The following LTV1 variants were observed in gnomAD, a reference collection of about 807,000 sequenced individuals.
The protein encoded by LTV1 is LTV1 ribosome biogenesis factor.
In LTV1, 39 loss-of-function variants were observed where a neutral mutation model predicts 59.9. The ratio of observed to expected loss-of-function variants is 0.65; its 90% confidence interval spans 0.50 to 0.85. LTV1 has a LOEUF of 0.85. Among genes scored for constraint, LTV1 ranks in the 40% least tolerant of loss-of-function variants. The pLI is 0.00. For synonymous variants in LTV1, 171 were observed against 189.5 expected (o/e 0.90, Z 0.80); for missense variants, 493 against 549.1 (o/e 0.90, Z 1.02).
Position 143,846,216 on chromosome 6 carries a change from G to C in LTV1, c.301G>C (p.Val101Leu). ...NRREEKEETLVIPSTGIKLPS... is the reference protein window; with the variant it reads ...NRREEKEETLLIPSTGIKLPS... ...GAGAGAGGAGAAAGAAGAAACGCTA[G>C]TAATTCCAGTAAGGCTTTTCAGCAA... Residue 101 changes from valine (V) to leucine (L), a missense_variant, in exon 3 of 11, where the codon GTA becomes CTA. Physicochemically the swap from Val to Leu is conservative, Grantham distance 32 (BLOSUM62 1). Transcript: ENST00000367576. 1 of 1,609,246 alleles carries C rather than the reference G, an allele frequency of 6.2e-7. No individual in the cohort carries two copies. Among genetic ancestry groups the C allele is most frequent in the Non-Finnish European group, 8.5e-7 (1 of 1,178,344 alleles).
rs763234617 is a variant in LTV1 at position 143,863,428 on chromosome 6, G to A, written c.1329G>A (p.Val443=). ...AIKEERKERR[V]EKKANKLAFK... ...TGTACTTATAACAGGAACGAAGAGTGGAGAAGAAAGCTAACAAATTAGCAT... is the reference window on the plus strand; with the variant it reads ...TGTACTTATAACAGGAACGAAGAGTAGAGAAGAAAGCTAACAAATTAGCAT... The change falls in exon 11 of 11, where the codon GTG becomes GTA. Residue 443 remains valine (V), a synonymous_variant. Coordinates refer to ENST00000367576, the MANE Select transcript of LTV1 (RefSeq NM_032860.5). This position sits in a 1 kb window ranked among gnomAD's most constrained non-coding sequence, Gnocchi z 4.5. The A allele has an allele frequency of 6.2e-7, 1 of 1,612,974 alleles. No homozygotes were observed. Among genetic ancestry groups the A allele is most frequent in the Non-Finnish European group, 8.5e-7 (1 of 1,179,244 alleles).
At chr6:143,853,819 T>G (rs1777029378) in intron 4 of LTV1, among the ~76,000 whole-genome samples, 1 of 152,232 alleles carries the variant, frequency 6.6e-6, no homozygotes, top group African/African-American at 2.4e-5. Context: ...TTGTGGTGAA[T>G]AAGCTTTTTG....
At chr6:143,844,235 T>A (rs1421468187) in intron 1 of LTV1, among the ~76,000 whole-genome samples, 1 of 152,238 alleles carries the variant, frequency 6.6e-6, no homozygotes, top group East Asian at 1.9e-4. Flanking sequence ...GGACTTTATC[T>A]GACTTTCCCA....
chr6:143,858,600 CATAAATG>C (rs1209224705), intron 6 of LTV1: 1 of 153,288 alleles, frequency 6.5e-6, no homozygotes, highest in Non-Finnish European at 1.5e-5. Context: ...TAAAGTGTTC[CATAAATG>C]ATAAATGAAT....
intron 1 of LTV1, among the ~76,000 whole-genome samples, chr6:143,844,216 T>C (rs546285395): frequency 7.2e-5 from 11 of 152,362 alleles, no homozygotes; most frequent in Non-Finnish European, 1.3e-4. Flanking sequence ...ATTTTCTTGC[T>C]AAGAACAGGG....
intron 2 of LTV1, 52 bp downstream of exon 2, chr6:143,844,669 TTTC>T (rs1260906359): frequency 6.5e-7 from 1 of 1,542,378 alleles, no homozygotes; most frequent in Non-Finnish European, 8.7e-7. Flanking sequence ...TAGTTTTTTT[TTTC>T]TTTTTTTTTT....
chr6:143,850,324 G>A, intron 4 of LTV1, 106 bp downstream of exon 4: 1 of 761,716 alleles, frequency 1.3e-6, no homozygotes, highest in Non-Finnish European at 2.2e-6. Context: ...AAACAATTGA[G>A]ATATGTCTGG....
At chr6:143,856,496 C>A (rs1160197289) in intron 4 of LTV1, among the ~76,000 whole-genome samples, 1 of 152,270 alleles carries the variant, frequency 6.6e-6, no homozygotes, top group East Asian at 1.9e-4. Flanking sequence ...GAGTTGTGAT[C>A]CTTTGAAGAG....
chr6:143,847,158 A>G (rs1306036475), intron 3 of LTV1, among the ~76,000 whole-genome samples: 3 of 152,190 alleles, frequency 2.0e-5, no homozygotes, highest in Non-Finnish European at 4.4e-5. Flanking sequence ...ATCCCACCAC[A>G]TCTCTGTCAT....
rs1776856369 is a variant in LTV1 at position 143,844,545 on chromosome 6, C to T, written c.63C>T (p.Val21=). 1 of 1,614,028 alleles carries T rather than the reference C, an allele frequency of 6.2e-7. No homozygotes were observed. The highest frequency in any genetic ancestry group is 1.1e-5 in the South Asian group (1 of 91,068). ...AGAAAGCTGTGTCTTTTCACTTGGT[C>T]CACCGGAGCCAACGAGATCCTTTAG... ...EKKKAVSFHL[V]HRSQRDPLAA... The change falls in exon 2 of 11, where the codon GTC becomes GTT. Residue 21 remains valine, a synonymous_variant. Transcript: ENST00000367576.
In LTV1 at chr6:143,857,398, CT is replaced by C. The variant is rs1413364572; in HGVS notation, c.495del (p.Gln166ArgfsTer61). On this transcript the variant is annotated frameshift_variant, in exon 5 of 11. Coordinates refer to ENST00000367576, the MANE Select transcript of LTV1 (RefSeq NM_032860.5). LOFTEE classifies it high-confidence loss of function. The surrounding 1 kb of genome is among the most constrained non-coding windows in gnomAD (Gnocchi z 5.2). ...TAATCTGCTTGAGGATGACTTTATT[CT>C]TCAGGCCAATAAGGCAACAGGAGAG... ...PDNLLEDDFILQANKATGEEE... is the reference protein window; with the variant it reads ...PDNLLEDDFIXQANKATGEEE... 2.5e-6 allele frequency: 4 copies of C among 1,614,002 alleles called. No homozygotes were observed. Among genetic ancestry groups the C allele is most frequent in the Non-Finnish European group, 3.4e-6 (4 of 1,179,970 alleles).
chr6:143,858,014 TCCC>T lies in LTV1; in HGVS notation c.795+9_795+11del, dbSNP rs1237837484. The T allele has an allele frequency of 1.2e-6, 2 of 1,613,582 alleles. No individual in the cohort carries two copies. Among genetic ancestry groups the T allele is most frequent in the Non-Finnish European group, 1.7e-6 (2 of 1,179,890 alleles). On this transcript the variant is annotated splice_region_variant and intron_variant, in intron 6 of 10. Coordinates refer to ENST00000367576, the MANE Select transcript of LTV1 (RefSeq NM_032860.5). ...TGATGAGAGGTTTGAGAAGGTAAGGTCCCCACATAAGGGATGCTTTAGTACTAT... is the reference window on the plus strand; with the variant it reads ...TGATGAGAGGTTTGAGAAGGTAAGGTCACATAAGGGATGCTTTAGTACTAT...
At position 143,862,884 on chromosome 6, in the gene LTV1, G is replaced by A. The variant is rs761498372; in HGVS notation, c.1104G>A (p.Lys368=). ...TATATAACCATCCACAGCTTATCAA[G>A]TATCAACCAAAGGTAAGTCCTAGTG... ...SNLYNHPQLI[K]YQPKPKQIRI... Residue 368 remains lysine, a synonymous_variant, in exon 9 of 11, where the codon AAG becomes AAA. Transcript: ENST00000367576. The surrounding 1 kb of genome is among the most constrained non-coding windows in gnomAD (Gnocchi z 4.2). 1.9e-6 allele frequency: 3 copies of A among 1,596,344 alleles called. No homozygotes were observed.
intron 6 of LTV1, among the ~76,000 whole-genome samples, chr6:143,860,011 G>A (rs547763958): frequency 6.7e-4 from 102 of 152,202 alleles, no homozygotes; most frequent in Admixed American, 9.8e-4. Context: ...GCTGAGGTGG[G>A]AAGATTGCTT....
At position 143,855,898 on chromosome 6, in the gene LTV1, C is replaced by T. The variant is rs574855743; in HGVS notation, c.398-1405C>T. Among the ~76,000 whole-genome samples the T allele has an allele frequency of 6.6e-5, 10 of 152,152 alleles. No homozygotes were observed. In the South Asian group the frequency reaches 1.2e-3, roughly 19 times the overall value. On this transcript the variant is annotated intron_variant, in intron 4 of 10. Coordinates refer to ENST00000367576, the MANE Select transcript of LTV1 (RefSeq NM_032860.5). This position sits in a 1 kb window ranked among gnomAD's most constrained non-coding sequence, Gnocchi z 4.6. ...ACATTTTTTTCTTCATTTCAACCTT[C>T]GTGAATCTGACGATTATGTGTCTTG...
Position 143,862,128 on chromosome 6 carries a change from A to T in LTV1, c.948A>T (p.Glu316Asp). The stretch of plus-strand genomic sequence containing the variant: ...GTTGTGTAAAATTGAATACCCTTGA[A>T]CCCTTGGAGGATCAAGACCTGCCAA... The part of the protein sequence containing the change: ...AENCVKLNTL[E>D]PLEDQDLPMN... Residue 316 changes from glutamate to aspartate, a missense_variant, in exon 8 of 11, where the codon GAA becomes GAT. Transcript: ENST00000367576. The surrounding 1 kb of genome is among the most constrained non-coding windows in gnomAD (Gnocchi z 4.2). The T allele has an allele frequency of 6.2e-7, 1 of 1,613,894 alleles. No homozygotes were observed. The highest frequency in any genetic ancestry group is 8.5e-7 in the Non-Finnish European group (1 of 1,179,880).
Position 143,862,173 on chromosome 6 carries a change from T to C in LTV1, c.993T>C (p.Ser331=), listed in dbSNP as rs551294529. 107 of 1,613,892 alleles carry C rather than the reference T, an allele frequency of 6.6e-5. No individual in the cohort carries two copies. The South Asian group carries it at 1.0e-3, about 15-fold the overall frequency. Residue 331 remains serine (S), a synonymous_variant, in exon 8 of 11, where the codon TCT becomes TCC. Coordinates refer to ENST00000367576, the MANE Select transcript of LTV1 (RefSeq NM_032860.5). The surrounding 1 kb of genome is among the most constrained non-coding windows in gnomAD (Gnocchi z 4.2). The part of the protein sequence containing the change: ...QDLPMNELDE[S]EEEEMITVVL... Reference sequence around the variant, plus strand: ...TGCCAATGAATGAGCTTGATGAGTCTGAGGAGGAAGAAATGATTACTGTAG... The same window carrying C: ...TGCCAATGAATGAGCTTGATGAGTCCGAGGAGGAAGAAATGATTACTGTAG...
chr6:143,862,024 A>G lies in LTV1; in HGVS notation c.924-80A>G. 1 of 1,378,586 alleles carries G rather than the reference A, an allele frequency of 7.3e-7. No individual in the cohort carries two copies. The highest frequency in any genetic ancestry group is 1.0e-6 in the Non-Finnish European group (1 of 1,003,264). 85.4% of individuals were successfully genotyped at this position (1,378,586 alleles called of 1,614,324 possible). A position where few individuals can be genotyped will look rare whatever the true frequency, so the allele number is the denominator to read the frequency against. ...AACATTGGTTTTTCCACAGCTAAAAATTGCAGTTTTAGTGACATAGTATAA... is the reference window on the plus strand; with the variant it reads ...AACATTGGTTTTTCCACAGCTAAAAGTTGCAGTTTTAGTGACATAGTATAA... On this transcript the variant is annotated intron_variant, in intron 7 of 10. Transcript: ENST00000367576. This position sits in a 1 kb window ranked among gnomAD's most constrained non-coding sequence, Gnocchi z 4.2.
chr6:143,843,560 A>C (rs1253342577), intron 1 of LTV1, 80 bp downstream of exon 1: 4 of 1,581,712 alleles, frequency 2.5e-6, no homozygotes, highest in African/African-American at 1.3e-5. Context: ...TACCTTGGCT[A>C]CTGCGGCCCG....
Sources: gnomAD v4.1 joint callset for allele counts (sites outside exome capture counted in the v4.1 genomes callset) on GRCh38, gnomAD v4.1.1 for gene constraint, Gnocchi (gnomAD v3.1) non-coding constraint, MANE v1.5 for transcripts, NCBI Gene and HGNC (gene_info 2026-07-23, HGNC 2026-07-21) for gene names.